The following GSE1 variants were observed in gnomAD, a reference collection of about 807,000 sequenced individuals.
GSE1 encodes Gse1 coiled-coil protein.
In GSE1, 32 loss-of-function variants were observed where a neutral mutation model predicts 112.6. The ratio of observed to expected loss-of-function variants is 0.28; its 90% CI spans 0.21 to 0.38. The LOEUF (loss-of-function observed/expected upper bound fraction) is 0.38, where lower values mean the gene tolerates loss of function less well. Among genes scored for constraint, GSE1 ranks in the 10% least tolerant of loss-of-function variants. The pLI is 1.00. For synonymous variants in GSE1, 1,115 were observed against 735.6 expected (o/e 1.52, Z -8.35); for missense variants, 2,348 against 1,699.2 (o/e 1.38, Z -6.71).
At chr16:85,284,368 GC>G (rs2044951525) in intron 1 of GSE1, among the ~76,000 whole-genome samples, 1 of 152,204 alleles carries the variant, frequency 6.6e-6, no homozygotes. Flanking sequence ...GGGGCCGGGC[GC>G]GAGAGCCTCT....
chr16:85,652,458 C>T (rs1231067438), intron 3 of GSE1, among the ~76,000 whole-genome samples: 8 of 152,194 alleles, frequency 5.3e-5, no homozygotes, highest in Admixed American at 2.0e-4. Flanking sequence ...GGTCAGAAGT[C>T]GTGAACCCAG....
intron 2 of GSE1, among the ~76,000 whole-genome samples, chr16:85,639,085 G>A (rs771870267): frequency 2.6e-5 from 4 of 152,204 alleles, no homozygotes; most frequent in Admixed American, 1.3e-4. Context: ...CCTTCCCAGC[G>A]ACCGGCCTGG....
At chr16:85,521,356 G>A (rs1414227967) in intron 2 of GSE1, among the ~76,000 whole-genome samples, 2 of 152,218 alleles carry the variant, frequency 1.3e-5, no homozygotes, top group Admixed American at 6.5e-5. Context: ...GCAAACTTGT[G>A]AAGCAGCCAG....
intron 1 of GSE1, among the ~76,000 whole-genome samples, chr16:85,193,820 T>C (rs1041344700): frequency 1.3e-5 from 2 of 152,184 alleles, no homozygotes; most frequent in Non-Finnish European, 2.9e-5. Flanking sequence ...TGAGAAATAA[T>C]GAAGAGCCAG....
chr16:85,674,666 A>ATAACT lies in GSE1; in HGVS notation c.*2131_*2135dup, dbSNP rs1290256204. On this transcript the variant is annotated 3_prime_UTR_variant, in exon 16 of 16. Coordinates refer to ENST00000253458, the MANE Select transcript of GSE1 (RefSeq NM_014615.5). ...AAAGTAAAAGGGAAAAGTAGATCCGATAACTTAAAAACGTAGCTCATCCCT... is the reference window on the plus strand; with the variant it reads ...AAAGTAAAAGGGAAAAGTAGATCCGATAACTTAACTTAAAAACGTAGCTCATCCCT... 3.3e-5 allele frequency: 5 copies of ATAACT among 152,262 alleles called. No homozygotes were observed. The highest frequency in any genetic ancestry group is 1.3e-4 in the Admixed American group (2 of 15,284). 9.4% of individuals were successfully genotyped at this position (152,262 alleles called of 1,614,324 possible).
chr16:85,645,293 G>A (rs570587239), intron 2 of GSE1, among the ~76,000 whole-genome samples: 19 of 152,210 alleles, frequency 1.2e-4, no homozygotes, highest in African/African-American at 4.6e-4. Flanking sequence ...TGAGGTGGGG[G>A]CCTTGCCTTG....
At chr16:85,545,741 T>A (rs2044671538) in intron 2 of GSE1, among the ~76,000 whole-genome samples, 1 of 152,202 alleles carries the variant, frequency 6.6e-6, no homozygotes, top group Non-Finnish European at 1.5e-5. Context: ...CCTAGAGACC[T>A]ATGGGTATGT....
At chr16:85,223,325 C>G (rs749532834) in intron 1 of GSE1, among the ~76,000 whole-genome samples, 11 of 152,118 alleles carry the variant, frequency 7.2e-5, no homozygotes, top group Non-Finnish European at 1.6e-4. Context: ...GAGTTCGAGA[C>G]CAGCCTGGCC....
intron 2 of GSE1, among the ~76,000 whole-genome samples, chr16:85,467,837 G>A (rs1204211452): frequency 6.6e-6 from 1 of 152,224 alleles, no homozygotes. Flanking sequence ...AGGGGTGTTG[G>A]AGTTGACAGT....
At chr16:85,483,915 C>T (rs901355553) in intron 2 of GSE1, among the ~76,000 whole-genome samples, 2 of 152,248 alleles carry the variant, frequency 1.3e-5, no homozygotes, top group Non-Finnish European at 2.9e-5. Context: ...TACAACTCTG[C>T]TGCCATCCTC....
chr16:85,225,454 G>C (rs1262743799), intron 1 of GSE1, among the ~76,000 whole-genome samples: 3 of 152,162 alleles, frequency 2.0e-5, no homozygotes, highest in East Asian at 1.9e-4. Flanking sequence ...GGGCTTTGTG[G>C]GGGGTAGGGA....
intron 1 of GSE1, among the ~76,000 whole-genome samples, chr16:85,333,172 T>C (rs2046410752): frequency 6.6e-6 from 1 of 152,148 alleles, no homozygotes; most frequent in Admixed American, 6.5e-5. Flanking sequence ...GCCCAGCGTC[T>C]GTAGGGCTCA....
chr16:85,352,534 C>T (rs1158179528), intron 1 of GSE1, among the ~76,000 whole-genome samples: 1 of 152,088 alleles, frequency 6.6e-6, no homozygotes, highest in Non-Finnish European at 1.5e-5. Flanking sequence ...AAATCCAGAC[C>T]CACTGTGGGC....
At chr16:85,224,231 T>C (rs2075442038) in intron 1 of GSE1, among the ~76,000 whole-genome samples, 1 of 127,906 alleles carries the variant, frequency 7.8e-6, no homozygotes, top group Non-Finnish European at 1.6e-5. Context: ...AGGATGCGCA[T>C]GAAAAGCGAG....
intron 1 of GSE1, among the ~76,000 whole-genome samples, chr16:85,240,724 T>C (rs1905102754): frequency 6.6e-6 from 1 of 152,242 alleles, no homozygotes; most frequent in Non-Finnish European, 1.5e-5. Context: ...GGACTGCCAT[T>C]GTCCTGAGCA....
intron 1 of GSE1, among the ~76,000 whole-genome samples, chr16:85,344,375 G>T (rs2046688774): frequency 6.6e-6 from 1 of 152,162 alleles, no homozygotes; most frequent in Non-Finnish European, 1.5e-5. Flanking sequence ...GGGCCGAGCG[G>T]GGTCCTGCCC....
chr16:85,316,478 G>C (rs1017442831), intron 1 of GSE1, among the ~76,000 whole-genome samples: 17 of 152,312 alleles, frequency 1.1e-4, no homozygotes, highest in Admixed American at 9.8e-4. Flanking sequence ...CCACTGGTCC[G>C]GGTGTCCTCT....
At chr16:85,234,031 C>T (rs185712334) in intron 1 of GSE1, among the ~76,000 whole-genome samples, 1 of 152,128 alleles carries the variant, frequency 6.6e-6, no homozygotes, top group Admixed American at 6.5e-5. Context: ...TTCCAAGGCC[C>T]CCTTGGGAAC....
chr16:85,332,896 A>T (rs2046405541), intron 1 of GSE1, among the ~76,000 whole-genome samples: 1 of 151,856 alleles, frequency 6.6e-6, no homozygotes, highest in African/African-American at 2.4e-5. Flanking sequence ...CCCACCTCAG[A>T]ACCCCCCTTT....
Sources: allele counts gnomAD v4.1 joint callset (sites outside exome capture counted in the v4.1 genomes callset), GRCh38; gene constraint gnomAD v4.1.1; transcripts MANE v1.5; gene names NCBI Gene and HGNC (gene_info 2026-07-23, HGNC 2026-07-21).